Variants in BACH2 observed in about 807,000 individuals in gnomAD.
BACH2 encodes transcription regulator protein BACH2.
Under a neutral mutation model 61.8 loss-of-function variants are expected in BACH2, and 5 were observed. The observed-to-expected ratio is 0.08, with a 90% confidence interval of 0.04 to 0.17. BACH2 has a LOEUF of 0.17. BACH2 is among the 10% of genes least tolerant of loss of function. The pLI is 1.00. For synonymous variants in BACH2, 446 were observed against 440.1 expected (o/e 1.01, Z -0.17); for missense variants, 824 against 1,091.1 (o/e 0.76, Z 3.45).
At chr6:90,188,603 A>G (rs1362649938) in intron 4 of BACH2, among the ~76,000 whole-genome samples, 1 of 152,120 alleles carries the variant, frequency 6.6e-6, no homozygotes, top group Non-Finnish European at 1.5e-5. Flanking sequence ...TTCATGACCA[A>G]AAGACACTGA....
chr6:90,217,271 A>C (rs1769570566), intron 3 of BACH2, among the ~76,000 whole-genome samples: 1 of 152,204 alleles, frequency 6.6e-6, no homozygotes, highest in Non-Finnish European at 1.5e-5. Context: ...TATTAACAGA[A>C]GGAGTTTATA....
At chr6:90,262,392 T>C (rs1771188874) in intron 2 of BACH2, among the ~76,000 whole-genome samples, 1 of 152,128 alleles carries the variant, frequency 6.6e-6, no homozygotes, top group Non-Finnish European at 1.5e-5. Context: ...CCCCTTCCCA[T>C]CCCCACGCCC....
chr6:90,034,204 G>A (rs1037816127), intron 5 of BACH2, among the ~76,000 whole-genome samples: 4 of 152,090 alleles, frequency 2.6e-5, no homozygotes, highest in Non-Finnish European at 4.4e-5. Flanking sequence ...TAATGTATTA[G>A]CCTGATATTA....
intron 4 of BACH2, among the ~76,000 whole-genome samples, chr6:90,147,227 C>G (rs1784652520): frequency 6.6e-6 from 1 of 152,284 alleles, no homozygotes; most frequent in South Asian, 2.1e-4. Flanking sequence ...ACCCAAACTG[C>G]CAGAGAATGA....
chr6:90,025,598 C>T (rs1778594968), intron 5 of BACH2, among the ~76,000 whole-genome samples: 1 of 152,192 alleles, frequency 6.6e-6, no homozygotes, highest in South Asian at 2.1e-4. Context: ...CCCAGTGTCC[C>T]CTTCCCTCCC....
At chr6:89,958,212 C>A (rs947829662) in intron 6 of BACH2, among the ~76,000 whole-genome samples, 1 of 152,182 alleles carries the variant, frequency 6.6e-6, no homozygotes, top group Non-Finnish European at 1.5e-5. Flanking sequence ...AACTCCTGGG[C>A]TCAAGCCATT....
At chr6:90,042,970 G>A (rs932225951) in intron 5 of BACH2, among the ~76,000 whole-genome samples, 2 of 152,166 alleles carry the variant, frequency 1.3e-5, no homozygotes, top group Non-Finnish European at 2.9e-5. Context: ...GATTTGGCAT[G>A]AATTTCAAAG....
At chr6:90,250,861 A>G (rs750580358) in intron 3 of BACH2, among the ~76,000 whole-genome samples, 1 of 152,252 alleles carries the variant, frequency 6.6e-6, no homozygotes, top group Non-Finnish European at 1.5e-5. Context: ...TTTACTGAGT[A>G]CTTACCATGT....
Position 89,929,858 on chromosome 6 carries a change from T to C in BACH2, c.*2550A>G, listed in dbSNP as rs1283050812. Reference sequence around the variant, plus strand: ...GATATGAGCAGAAAGTGTTCTTTTTTTAAAAGAAGAGGAGAGGTCACTTGG... The same window carrying C: ...GATATGAGCAGAAAGTGTTCTTTTTCTAAAAGAAGAGGAGAGGTCACTTGG... On this transcript the variant is annotated 3_prime_UTR_variant, in exon 9 of 9. Coordinates refer to ENST00000257749, the MANE Select transcript of BACH2 (RefSeq NM_021813.4). The C allele has an allele frequency of 2.0e-5, 3 of 152,246 alleles. No individual in the cohort carries two copies. Among genetic ancestry groups the C allele is most frequent in the Non-Finnish European group, 4.4e-5 (3 of 68,020 alleles). 9.4% of individuals were successfully genotyped at this position (152,246 alleles called of 1,614,324 possible). A position where few individuals can be genotyped will look rare whatever the true frequency, so the allele number is the denominator to read the frequency against.
chr6:90,296,273 T>A (rs2127897779), intron 1 of BACH2, among the ~76,000 whole-genome samples: 1 of 151,576 alleles, frequency 6.6e-6, no homozygotes, highest in Middle Eastern at 3.4e-3. Context: ...GGCCGCCGGC[T>A]CGGCTCCCAC....
intron 5 of BACH2, among the ~76,000 whole-genome samples, chr6:90,042,589 T>G (rs1398568808): frequency 6.6e-6 from 1 of 152,164 alleles, no homozygotes; most frequent in Non-Finnish European, 1.5e-5. Flanking sequence ...TGAAGGGGTC[T>G]CTGTCTTTCC....
intron 3 of BACH2, among the ~76,000 whole-genome samples, chr6:90,230,158 C>T (rs1770048401): frequency 1.3e-5 from 2 of 152,202 alleles, no homozygotes; most frequent in Admixed American, 1.3e-4. Flanking sequence ...TGAGGCCATA[C>T]TACGTGGGTT....
chr6:90,102,806 T>TAA (rs1782705600), intron 4 of BACH2, among the ~76,000 whole-genome samples: 2 of 126,952 alleles, frequency 1.6e-5, no homozygotes, highest in African/African-American at 6.1e-5. Context: ...ATAATAATAA[T>TAA]AATAATAATA....
chr6:89,942,014 T>C (rs1773462306), intron 7 of BACH2, among the ~76,000 whole-genome samples: 1 of 150,080 alleles, frequency 6.7e-6, no homozygotes, highest in South Asian at 2.1e-4. Context: ...TGCAACACAA[T>C]CTGCTTTTTA....
chr6:89,935,979 A>T (rs1772997737), intron 8 of BACH2, among the ~76,000 whole-genome samples: 1 of 152,262 alleles, frequency 6.6e-6, no homozygotes, highest in Non-Finnish European at 1.5e-5. Flanking sequence ...GTTTAACGAC[A>T]TTAAACATGT....
At chr6:89,971,538 C>T (rs1326892216) in intron 6 of BACH2, among the ~76,000 whole-genome samples, 7 of 152,170 alleles carry the variant, frequency 4.6e-5, no homozygotes, top group Non-Finnish European at 8.8e-5. Flanking sequence ...ATGATAAGAA[C>T]TGTCAGTACG....
intron 5 of BACH2, among the ~76,000 whole-genome samples, chr6:90,037,859 T>C (rs1421546984): frequency 2.6e-5 from 4 of 152,102 alleles, no homozygotes; most frequent in Admixed American, 2.6e-4. Flanking sequence ...ATGAACTCCA[T>C]ATGGAGACAG....
Position 90,102,714 on chromosome 6 carries a change from G to A in BACH2, c.-161-13605C>T, listed in dbSNP as rs149793858. Among the ~76,000 whole-genome samples, 963 of 151,118 alleles carry A rather than the reference G, an allele frequency of 6.4e-3. 10 individuals are homozygous for A. Among genetic ancestry groups the A allele is most frequent in the African/African-American group, 0.022 (908 of 41,134 alleles). On this transcript the variant is annotated intron_variant, in intron 4 of 8. Transcript: ENST00000257749. ...ACGAGGCAGGAGAATCACTTGAACC[G>A]AGGAGGCAGAGGTTACAGTGAGCCG... is the stretch of plus-strand genomic sequence containing the variant.
chr6:90,092,959 A>C (rs1408740845), intron 4 of BACH2, among the ~76,000 whole-genome samples: 1 of 152,116 alleles, frequency 6.6e-6, no homozygotes, highest in Non-Finnish European at 1.5e-5. Flanking sequence ...GCATCCATCA[A>C]TCTGAGGCCT....
Sources: allele counts gnomAD v4.1 joint callset (sites outside exome capture counted in the v4.1 genomes callset), GRCh38; gene constraint gnomAD v4.1.1; transcripts MANE v1.5; gene names NCBI Gene and HGNC (gene_info 2026-07-23, HGNC 2026-07-21).